Variants in SPTLC1 observed in about 807,000 individuals in gnomAD.
The protein encoded by SPTLC1 is serine palmitoyltransferase long chain base subunit 1, also known as serine palmitoyltransferase 1.
A neutral mutation model predicts 68.9 loss-of-function variants in SPTLC1; 55 were observed. The observed-to-expected ratio is 0.80, with a 90% CI of 0.64 to 1.00. The LOEUF (loss-of-function observed/expected upper bound fraction) is 1.00, where lower values mean the gene tolerates loss of function less well. Among genes scored for constraint, SPTLC1 ranks in the 50% least tolerant of loss-of-function variants. The pLI, the probability that SPTLC1 is intolerant of heterozygous loss-of-function variation, is 0.00. For missense variants in SPTLC1, 449 were observed against 573.1 expected (o/e 0.78, Z 2.21); for synonymous variants, 197 against 201.6 (o/e 0.98, Z 0.19).
intron 12 of SPTLC1, among the ~76,000 whole-genome samples, chr9:92,040,755 C>T (rs1473886445): frequency 6.8e-6 from 1 of 146,382 alleles, no homozygotes; most frequent in East Asian, 2.0e-4. Flanking sequence ...AAGACTCTGT[C>T]TCAAAAGAAA....
intron 1 of SPTLC1, among the ~76,000 whole-genome samples, chr9:92,114,433 A>C (rs1258974752): frequency 6.6e-6 from 1 of 151,842 alleles, no homozygotes; most frequent in East Asian, 2.0e-4. Context: ...ACTCTTAACT[A>C]TTCTTCCTTT....
Position 92,049,986 on chromosome 9 carries a change from C to T in SPTLC1, c.862G>A (p.Gly288Arg). 1 of 1,613,256 alleles carries T rather than the reference C, an allele frequency of 6.2e-7. No individual in the cohort carries two copies. Among genetic ancestry groups the T allele is most frequent in the Non-Finnish European group, 8.5e-7 (1 of 1,179,220 alleles). Reference sequence around the variant, plus strand: ...TTGATTCCATAGTGTTCAGTGACTCCTCGGCCATGCTCTCCTAGGACTCCA... The same window carrying T: ...TTGATTCCATAGTGTTCAGTGACTCTTCGGCCATGCTCTCCTAGGACTCCA... ...SFGVLGEHGR[G>R]VTEHYGINID... Residue 288 changes from glycine to arginine, a missense_variant, in exon 9 of 15, where the codon GGA becomes AGA. Physicochemically the swap from Gly to Arg is moderately radical, Grantham distance 125. Coordinates refer to ENST00000262554, the MANE Select transcript of SPTLC1 (RefSeq NM_006415.4).
chr9:92,096,812 GA>G (rs1192056286), intron 3 of SPTLC1, among the ~76,000 whole-genome samples: 1 of 151,518 alleles, frequency 6.6e-6, no homozygotes, highest in Non-Finnish European at 1.5e-5. Context: ...GCAACAAAAG[GA>G]AAAACAGGGA....
chr9:92,111,233 C>T (rs772325243), intron 2 of SPTLC1: 3 of 152,312 alleles, frequency 2.0e-5, no homozygotes, highest in Admixed American at 6.5e-5. Flanking sequence ...CGAAGCTACA[C>T]TCATCCCTAC....
Position 92,066,525 on chromosome 9 carries a change from G to C in SPTLC1, c.560+1441C>G, listed in dbSNP as rs184051385. On this transcript the variant is annotated intron_variant, in intron 6 of 14. Transcript: ENST00000262554. ...CAAGGTGAGAGGACACTAGCATACA[G>C]GGCTGGCAAGGCTACAGCTTAAACA... Among the ~76,000 whole-genome samples the C allele has an allele frequency of 1.4e-3, 209 of 152,248 alleles. 1 individual carries two copies. The highest frequency in any genetic ancestry group is 3.8e-3 in the African/African-American group (159 of 41,552).
At chr9:92,112,651 C>G (rs925957450) in intron 1 of SPTLC1, 89 bp from the exon 2 acceptor site, 12 of 812,376 alleles carry the variant, frequency 1.5e-5, no homozygotes, top group Non-Finnish European at 2.5e-5. Flanking sequence ...ATACTGCCTC[C>G]TGTGACTTTT....
chr9:92,084,410 C>T (rs1279847800), intron 3 of SPTLC1, among the ~76,000 whole-genome samples: 11 of 152,298 alleles, frequency 7.2e-5, no homozygotes, highest in African/African-American at 2.4e-4. Flanking sequence ...TTTTGAGATA[C>T]GTCCCATCAA....
At position 92,080,734 on chromosome 9, in the gene SPTLC1, T is replaced by C. The variant is rs367927720; in HGVS notation, c.354+136A>G. On this transcript the variant is annotated intron_variant, in intron 4 of 14. Coordinates refer to ENST00000262554, the MANE Select transcript of SPTLC1 (RefSeq NM_006415.4). ...TTGTATTTTTTGGTAGAGATGGGGTTTCACCATGTTGGCCAGGCTGGTCTT... is the reference window on the plus strand; with the variant it reads ...TTGTATTTTTTGGTAGAGATGGGGTCTCACCATGTTGGCCAGGCTGGTCTT... 75 of 724,540 alleles carry C rather than the reference T, an allele frequency of 1.0e-4. 1 individual carries two copies. Among genetic ancestry groups the C allele is most frequent in the East Asian group, 7.1e-4 (26 of 36,716 alleles). 44.9% of individuals were successfully genotyped at this position (724,540 alleles called of 1,614,324 possible). A position where few individuals can be genotyped will look rare whatever the true frequency, so the allele number is the denominator to read the frequency against.
chr9:92,055,839 C>A (rs189935282), intron 7 of SPTLC1, among the ~76,000 whole-genome samples: 1 of 152,332 alleles, frequency 6.6e-6, no homozygotes, highest in Admixed American at 6.5e-5. Context: ...CATAATGGGG[C>A]TGACATTCCT....
intron 3 of SPTLC1, among the ~76,000 whole-genome samples, chr9:92,105,867 C>T (rs1384162274): frequency 6.6e-5 from 10 of 150,452 alleles, no homozygotes; most frequent in African/African-American, 1.2e-4. Flanking sequence ...AAATGAGGAG[C>T]GCCTCTGCCT....
chr9:92,104,144 C>T (rs549709958), intron 3 of SPTLC1, among the ~76,000 whole-genome samples: 66 of 152,316 alleles, frequency 4.3e-4, no homozygotes, highest in Non-Finnish European at 7.2e-4. Flanking sequence ...TGGGTGACTT[C>T]GGAGTATCCT....
chr9:92,068,473 T>C (rs1212735225), intron 5 of SPTLC1, among the ~76,000 whole-genome samples: 2 of 152,230 alleles, frequency 1.3e-5, no homozygotes, highest in Non-Finnish European at 2.9e-5. Context: ...TATTAATGTC[T>C]GTTTGCATTT....
chr9:92,081,980 A>G (rs943941661), intron 3 of SPTLC1, among the ~76,000 whole-genome samples: 1 of 152,200 alleles, frequency 6.6e-6, no homozygotes, highest in African/African-American at 2.4e-5. Context: ...CTAACTTATA[A>G]AAAAGGCAAG....
chr9:92,113,782 C>A (rs1232054729), intron 1 of SPTLC1, among the ~76,000 whole-genome samples: 1 of 152,132 alleles, frequency 6.6e-6, no homozygotes, highest in Non-Finnish European at 1.5e-5. Context: ...TGTCATTACC[C>A]CTACCAGTAG....
intron 6 of SPTLC1, among the ~76,000 whole-genome samples, chr9:92,062,215 C>CA (rs552909133): frequency 1.3e-5 from 2 of 152,078 alleles, no homozygotes; most frequent in Non-Finnish European, 2.9e-5. Flanking sequence ...AGAAAATTAT[C>CA]AGAGTGTTTG....
intron 9 of SPTLC1, among the ~76,000 whole-genome samples, chr9:92,048,499 A>C (rs1833596684): frequency 6.6e-6 from 1 of 152,180 alleles, no homozygotes; most frequent in South Asian, 2.1e-4. Flanking sequence ...CATTATGAAA[A>C]ATTTCAAGCC....
At chr9:92,045,850 CAAAT>C (rs1833494841) in intron 12 of SPTLC1, 145 bp downstream of exon 12, 1 of 675,650 alleles carries the variant, frequency 1.5e-6, no homozygotes, top group Non-Finnish European at 2.6e-6. Flanking sequence ...TGGTTTTACA[CAAAT>C]AAACCAATGT....
At position 92,077,758 on chromosome 9, in the gene SPTLC1, A is replaced by G. The variant is rs578175240; in HGVS notation, c.427+2258T>C. Among the ~76,000 whole-genome samples, 4 of 152,242 alleles carry G rather than the reference A, an allele frequency of 2.6e-5. No individual in the cohort carries two copies. The South Asian group carries it at 8.3e-4, about 32-fold the overall frequency. ...CTTTTACTCCAGACCATTGTAGCTG[A>G]TATCTCGTGGTGTCACCCTCAAGCT... On this transcript the variant is annotated intron_variant, in intron 5 of 14. Transcript: ENST00000262554.
chr9:92,082,229 T>A (rs942042480), intron 3 of SPTLC1, among the ~76,000 whole-genome samples: 1 of 152,098 alleles, frequency 6.6e-6, no homozygotes, highest in Non-Finnish European at 1.5e-5. Flanking sequence ...CAAGGGCTTC[T>A]CTATTTTATT....
Sources: allele counts gnomAD v4.1 joint callset (sites outside exome capture counted in the v4.1 genomes callset), GRCh38; gene constraint gnomAD v4.1.1; transcripts MANE v1.5; gene names NCBI Gene and HGNC (gene_info 2026-07-23, HGNC 2026-07-21).